FSTL5: variants seen among roughly 807,000 people sequenced by gnomAD.
FSTL5 encodes the protein follistatin like 5.
In FSTL5, 62 loss-of-function variants were observed where a neutral mutation model predicts 89.1. That is an observed-to-expected ratio of 0.70 (90% CI 0.57 to 0.86). The LOEUF is 0.86. FSTL5 is among the 40% of genes least tolerant of loss of function. The pLI, the probability that FSTL5 is intolerant of heterozygous loss-of-function variation, is 0.00. For synonymous variants in FSTL5, 383 were observed against 346.2 expected (o/e 1.11, Z -1.18); for missense variants, 1,057 against 1,001.6 (o/e 1.06, Z -0.75).
intron 3 of FSTL5, among the ~76,000 whole-genome samples, chr4:162,007,261 G>T (rs1736639820): frequency 6.6e-6 from 1 of 151,812 alleles, no homozygotes; most frequent in African/African-American, 2.4e-5. Context: ...TTTAAAGAAT[G>T]ACCTAAAGTT....
intron 1 of FSTL5, among the ~76,000 whole-genome samples, chr4:162,130,378 A>G (rs2111456243): frequency 6.7e-6 from 1 of 149,788 alleles, no homozygotes. Flanking sequence ...CAATCAAACA[A>G]GAATGTTGTG....
intron 15 of FSTL5, among the ~76,000 whole-genome samples, chr4:161,419,396 G>A (rs2126308618): frequency 6.6e-6 from 1 of 152,184 alleles, no homozygotes; most frequent in African/African-American, 2.4e-5. Flanking sequence ...AAAAAATGTA[G>A]TGGGATAAGC....
chr4:161,576,438 A>G (rs991241979), intron 8 of FSTL5, among the ~76,000 whole-genome samples: 6 of 152,214 alleles, frequency 3.9e-5, no homozygotes, highest in Non-Finnish European at 5.9e-5. Flanking sequence ...GGCTACAGTA[A>G]CCAAAACAGC....
At chr4:161,477,630 A>G (rs1303623777) in intron 13 of FSTL5, among the ~76,000 whole-genome samples, 2 of 139,984 alleles carry the variant, frequency 1.4e-5, no homozygotes, top group Admixed American at 1.4e-4. Flanking sequence ...ATTATTTATA[A>G]TTCAGGTCTA....
chr4:161,676,257 T>C (rs912987717), intron 6 of FSTL5, among the ~76,000 whole-genome samples: 3 of 152,026 alleles, frequency 2.0e-5, no homozygotes, highest in Non-Finnish European at 4.4e-5. Context: ...CAAACTTAAA[T>C]GCCCATCAAT....
intron 2 of FSTL5, among the ~76,000 whole-genome samples, chr4:162,037,487 T>A (rs1040623784): frequency 2.0e-5 from 3 of 151,870 alleles, no homozygotes; most frequent in African/African-American, 7.2e-5. Flanking sequence ...ATTGAGCCAA[T>A]CCTAGTTGAG....
intron 4 of FSTL5, among the ~76,000 whole-genome samples, chr4:161,899,328 A>C (rs1334978063): frequency 6.6e-6 from 1 of 152,196 alleles, no homozygotes; most frequent in Non-Finnish European, 1.5e-5. Context: ...TAGAGGACAC[A>C]TTCATAGGAT....
chr4:162,067,710 C>A (rs537690356), intron 2 of FSTL5, among the ~76,000 whole-genome samples: 1 of 152,012 alleles, frequency 6.6e-6, no homozygotes, highest in Non-Finnish European at 1.5e-5. Context: ...GGCAATCAGG[C>A]AAAAGAAAGA....
At chr4:162,155,555 A>C (rs918015189) in intron 1 of FSTL5, among the ~76,000 whole-genome samples, 2 of 152,232 alleles carry the variant, frequency 1.3e-5, no homozygotes, top group African/African-American at 4.8e-5. Context: ...GAAAACATAC[A>C]TATGTTTTAA....
At chr4:162,027,621 G>T (rs754632504) in intron 3 of FSTL5, among the ~76,000 whole-genome samples, 1 of 152,068 alleles carries the variant, frequency 6.6e-6, no homozygotes, top group Non-Finnish European at 1.5e-5. Flanking sequence ...ACAGATGTCA[G>T]CTAATGAAAT....
chr4:161,922,083 G>T (rs897872839), intron 3 of FSTL5, among the ~76,000 whole-genome samples: 1 of 151,876 alleles, frequency 6.6e-6, no homozygotes, highest in Non-Finnish European at 1.5e-5. Context: ...TACACAAAAA[G>T]ATCAACAGTA....
intron 4 of FSTL5, among the ~76,000 whole-genome samples, chr4:161,901,033 T>A (rs908963372): frequency 2.6e-5 from 4 of 152,162 alleles, no homozygotes; most frequent in African/African-American, 9.7e-5. Flanking sequence ...ACTTTTATTG[T>A]CAAATTTTAA....
At chr4:161,883,268 A>T (rs1007088909) in intron 4 of FSTL5, among the ~76,000 whole-genome samples, 2 of 152,196 alleles carry the variant, frequency 1.3e-5, no homozygotes, top group Non-Finnish European at 2.9e-5. Flanking sequence ...GTTTGTTTTG[A>T]TCTGAACAGA....
intron 8 of FSTL5, among the ~76,000 whole-genome samples, chr4:161,558,447 T>C (rs1732471405): frequency 1.3e-5 from 2 of 151,870 alleles, no homozygotes; most frequent in Admixed American, 1.3e-4. Context: ...AATTAAATAT[T>C]TTTGGTCTAC....
chr4:162,128,316 C>A (rs1732164420), intron 1 of FSTL5, among the ~76,000 whole-genome samples: 1 of 152,126 alleles, frequency 6.6e-6, no homozygotes, highest in South Asian at 2.1e-4. Context: ...ATGTTTCTGT[C>A]TCACGCAAAT....
At chr4:161,957,254 G>A (rs1331831499) in intron 3 of FSTL5, among the ~76,000 whole-genome samples, 2 of 151,666 alleles carry the variant, frequency 1.3e-5, no homozygotes, top group African/African-American at 2.4e-5. Flanking sequence ...CTACATAAAA[G>A]TACATACCAA....
intron 15 of FSTL5, among the ~76,000 whole-genome samples, chr4:161,442,169 C>G (rs1175122238): frequency 6.7e-6 from 1 of 149,040 alleles, no homozygotes; most frequent in Admixed American, 6.7e-5. Flanking sequence ...TTTTCATTCC[C>G]TCAGCAGAGG....
chr4:161,636,550 G>A (rs751990824), intron 7 of FSTL5, among the ~76,000 whole-genome samples: 5 of 147,750 alleles, frequency 3.4e-5, no homozygotes, highest in Non-Finnish European at 5.9e-5. Context: ...CCATGCTGGT[G>A]CGCTGCACGC....
chr4:161,386,522 G>T, intron 15 of FSTL5, 73 bp from the exon 16 acceptor site: 2 of 1,015,276 alleles, frequency 2.0e-6, no homozygotes, highest in South Asian at 1.7e-5. Context: ...ACTAGATACA[G>T]GTGGAAAGGT....
Sources: allele counts gnomAD v4.1 joint callset (sites outside exome capture counted in the v4.1 genomes callset), GRCh38; gene constraint gnomAD v4.1.1; transcripts MANE v1.5; gene names NCBI Gene and HGNC (gene_info 2026-07-23, HGNC 2026-07-21).